CSGALNACT1: variants seen among roughly 807,000 people sequenced by gnomAD.
CSGALNACT1 encodes beta4GalNAcT-1.
A neutral mutation model predicts 51.0 loss-of-function variants in CSGALNACT1; 52 were observed. The observed-to-expected ratio is 1.02, with a 90% CI of 0.82 to 1.29. The LOEUF is 1.29. CSGALNACT1 is among the 50% of genes most tolerant of loss of function. The probability of loss-of-function intolerance (pLI) is 0.00; values close to 1 mark genes in which losing one functional copy is unlikely to be tolerated. For synonymous variants in CSGALNACT1, 341 were observed against 254.4 expected, an observed-to-expected ratio of 1.34 and a Z score of -3.24; for missense variants, 935 against 679.2, an observed-to-expected ratio of 1.38 and a Z score of -4.19.
At chr8:19,517,046 G>A (rs141475438) in intron 3 of CSGALNACT1, among the ~76,000 whole-genome samples, 16 of 152,250 alleles carry the variant, frequency 1.1e-4, no homozygotes, top group African/African-American at 3.6e-4. Flanking sequence ...GGTGTAAGAC[G>A]CCAGGAGTTT....
At chr8:19,673,478 A>G (rs1196534401) in intron 1 of CSGALNACT1, among the ~76,000 whole-genome samples, 1 of 152,206 alleles carries the variant, frequency 6.6e-6, no homozygotes, top group Admixed American at 6.5e-5. Flanking sequence ...GCTAGGCACT[A>G]TGTGGTCTCA....
Position 19,457,723 on chromosome 8 carries a change from C to A in CSGALNACT1, c.851+703G>T, listed in dbSNP as rs745780946. The A allele has an allele frequency of 1.2e-5, 16 of 1,342,500 alleles. No homozygotes were observed. The African/African-American group carries it at 2.2e-4, about 19-fold the overall frequency. 83.2% of individuals were successfully genotyped at this position (1,342,500 alleles called of 1,614,324 possible). A position where few individuals can be genotyped will look rare whatever the true frequency, so the allele number is the denominator to read the frequency against. ...AAATCACTTAGCTGGTTATCCTCAG[C>A]CAATATGTGCATCTGAGCCATCACA... On this transcript the variant is annotated intron_variant, in intron 5 of 9. Coordinates refer to ENST00000454498, the Ensembl canonical transcript of CSGALNACT1.
At chr8:19,520,086 C>T (rs926292325) in intron 3 of CSGALNACT1, among the ~76,000 whole-genome samples, 1 of 152,214 alleles carries the variant, frequency 6.6e-6, no homozygotes, top group East Asian at 1.9e-4. Flanking sequence ...ACAAAATAAA[C>T]AGCCTAACTC....
rs143391131 is a variant in CSGALNACT1, at chr8:19,507,804, A to G, written c.-296-1674T>C. Among the ~76,000 whole-genome samples the G allele has an allele frequency of 5.6e-3, 858 of 152,124 alleles. 11 individuals are homozygous for G. The highest frequency in any genetic ancestry group is 0.02 in the African/African-American group (817 of 41,516). ...CACCACCCCTGGCTAATGTTTTTGT[A>G]TTTTAGTAGAGACGGGGTTTCACCA... On this transcript the variant is annotated intron_variant, in intron 3 of 9. Transcript: ENST00000454498.
At chr8:19,575,760 T>G (rs1458752213) in intron 3 of CSGALNACT1, among the ~76,000 whole-genome samples, 2 of 152,176 alleles carry the variant, frequency 1.3e-5, no homozygotes, top group African/African-American at 4.8e-5. Context: ...TTGGATTTAC[T>G]TTAAAATATT....
At chr8:19,645,105 T>A (rs1223104020) in intron 1 of CSGALNACT1, among the ~76,000 whole-genome samples, 1 of 152,220 alleles carries the variant, frequency 6.6e-6, no homozygotes, top group African/African-American at 2.4e-5. Context: ...ATGATTAGAC[T>A]GTCAGAGCAA....
At chr8:19,440,208 C>T (rs991260019) in intron 5 of CSGALNACT1, among the ~76,000 whole-genome samples, 7 of 152,282 alleles carry the variant, frequency 4.6e-5, no homozygotes, top group East Asian at 1.9e-4. Context: ...CCTAGCCCAC[C>T]GGGCCTAGAC....
intron 6 of CSGALNACT1, among the ~76,000 whole-genome samples, chr8:19,429,182 T>C (rs553846532): frequency 6.6e-6 from 1 of 152,240 alleles, no homozygotes; most frequent in Non-Finnish European, 1.5e-5. Flanking sequence ...TTTGTTGTTG[T>C]TGTTTTTCTT....
intron 3 of CSGALNACT1, among the ~76,000 whole-genome samples, chr8:19,588,286 A>T (rs74390182): frequency 0.033 from 5,013 of 152,288 alleles, 291 homozygotes; most frequent in African/African-American, 0.11. Flanking sequence ...GAAAAATGCC[A>T]TAGGCAGGGT....
In CSGALNACT1 at chr8:19,453,021, A is replaced by G. The variant is rs192229008; in HGVS notation, c.851+5405T>C. Among the ~76,000 whole-genome samples, 30 of 152,350 alleles carry G rather than the reference A, an allele frequency of 2.0e-4. No homozygotes were observed. In the East Asian group the frequency reaches 5.4e-3, roughly 27 times the overall value. Reference sequence around the variant, plus strand: ...GGAGAATCCACCCAAACTATGTTCGAGCAAACAGAAGGCTGGGTAGTCCCC... The same window carrying G: ...GGAGAATCCACCCAAACTATGTTCGGGCAAACAGAAGGCTGGGTAGTCCCC... On this transcript the variant is annotated intron_variant, in intron 5 of 9. Coordinates refer to ENST00000454498, the Ensembl canonical transcript of CSGALNACT1.
chr8:19,447,718 G>A (rs2062383268), intron 5 of CSGALNACT1, among the ~76,000 whole-genome samples: 1 of 152,188 alleles, frequency 6.6e-6, no homozygotes, highest in Non-Finnish European at 1.5e-5. Flanking sequence ...TCTTGACGGA[G>A]AAACAAGCTC....
At chr8:19,491,228 ATTT>A (rs928795394) in intron 4 of CSGALNACT1, among the ~76,000 whole-genome samples, 1 of 152,182 alleles carries the variant, frequency 6.6e-6, no homozygotes, top group Non-Finnish European at 1.5e-5. Flanking sequence ...TGAATAAATG[ATTT>A]TTGTTTACCG....
chr8:19,505,698 G>A, exon 4 of CSGALNACT1: 4 of 1,614,150 alleles, frequency 2.5e-6, no homozygotes, highest in Non-Finnish European at 3.4e-6. Context: ...GTTGGCCCTG[G>A]GCAGTGCCAG....
At chr8:19,495,803 G>A (rs548201843) in intron 4 of CSGALNACT1, among the ~76,000 whole-genome samples, 22 of 152,254 alleles carry the variant, frequency 1.4e-4, no homozygotes, top group Admixed American at 5.9e-4. Flanking sequence ...AGAGAGAAGC[G>A]GGGGACACTT....
At chr8:19,502,622 G>A (rs2076614775) in intron 4 of CSGALNACT1, among the ~76,000 whole-genome samples, 1 of 152,146 alleles carries the variant, frequency 6.6e-6, no homozygotes, top group South Asian at 2.1e-4. Context: ...TGGATTTTGA[G>A]AAATTGCCTC....
intron 8 of CSGALNACT1, among the ~76,000 whole-genome samples, 153 bp downstream of exon 7, chr8:19,418,503 C>T (rs954687594): frequency 6.6e-6 from 1 of 152,118 alleles, no homozygotes; most frequent in Non-Finnish European, 1.5e-5. Flanking sequence ...AACGAGGCGC[C>T]GGGAGCAGAG....
chr8:19,465,958 G>T (rs1452339437), intron 4 of CSGALNACT1, among the ~76,000 whole-genome samples: 1 of 152,172 alleles, frequency 6.6e-6, no homozygotes, highest in Non-Finnish European at 1.5e-5. Context: ...CAAGAAGTCA[G>T]AATAAACAAG....
chr8:19,622,978 G>C (rs553479150), intron 1 of CSGALNACT1, among the ~76,000 whole-genome samples: 95 of 152,232 alleles, frequency 6.2e-4, no homozygotes, highest in African/African-American at 2.2e-3. Flanking sequence ...CGGGTTGATA[G>C]GTACTGCAAA....
intron 1 of CSGALNACT1, among the ~76,000 whole-genome samples, chr8:19,655,707 C>T (rs775792081): frequency 3.9e-5 from 6 of 152,108 alleles, no homozygotes; most frequent in Non-Finnish European, 7.3e-5. Context: ...CATGAGCCAC[C>T]AACCCAGCTG....
Sources: gnomAD v4.1 joint callset for allele counts (sites outside exome capture counted in the v4.1 genomes callset) on GRCh38, gnomAD v4.1.1 for gene constraint, MANE v1.5 for transcripts, NCBI Gene and HGNC (gene_info 2026-07-23, HGNC 2026-07-21) for gene names.